The following TMIGD3 variants were observed in gnomAD, a reference collection of about 807,000 sequenced individuals.
The protein encoded by TMIGD3 is transmembrane and immunoglobulin domain containing 3, also known as AD026 protein (AD026).
A neutral mutation model predicts 28.1 loss-of-function variants in TMIGD3; 21 were observed. That is an observed-to-expected ratio of 0.75 (90% CI 0.53 to 1.08). TMIGD3 has a LOEUF of 1.08. Ranked by LOEUF, TMIGD3 falls within the 50% of genes least tolerant of loss-of-function variation. TMIGD3 has a pLI of 0.00. For missense variants in TMIGD3, 416 were observed against 435.6 expected (o/e 0.96, Z 0.40); for synonymous variants, 151 against 162.1 (o/e 0.93, Z 0.52).
At chr1:111,559,381 G>A (rs1053080105) in intron 1 of TMIGD3, among the ~76,000 whole-genome samples, 6 of 152,126 alleles carry the variant, frequency 3.9e-5, no homozygotes, top group African/African-American at 1.4e-4. Flanking sequence ...CGATTCAGCA[G>A]TGACCTAAAA....
upstream of TMIGD3, chr1:111,504,972 A>G (rs899934022): frequency 3.0e-6 from 3 of 985,166 alleles, no homozygotes; most frequent in African/African-American, 5.2e-5. Flanking sequence ...TTCCAATGTC[A>G]GTTCTGCCCA....
rs1654398390 is a variant in TMIGD3 at position 111,486,797 on chromosome 1, A to G, written c.806-145T>C. ...AGAGTAAAGCAGAGGTACCACGCGC[A>G]GTTGTATAAATGTGCCCTGCACAGG... On this transcript the variant is annotated intron_variant, in intron 3 of 5. Coordinates refer to ENST00000369716, the MANE Select transcript of TMIGD3 (RefSeq NM_020683.7). The G allele has an allele frequency of 2.1e-5, 15 of 723,780 alleles. No homozygotes were observed. The South Asian group carries it at 2.4e-4, about 11-fold the overall frequency. 44.8% of individuals were successfully genotyped at this position (723,780 alleles called of 1,614,324 possible).
intron 1 of TMIGD3, among the ~76,000 whole-genome samples, chr1:111,515,683 G>C (rs1328456214): frequency 6.6e-6 from 1 of 152,224 alleles, no homozygotes; most frequent in Non-Finnish European, 1.5e-5. Context: ...CCCTGGCGCC[G>C]GGGACTGTGG....
At chr1:111,557,624 G>A (rs2789528) in intron 1 of TMIGD3, among the ~76,000 whole-genome samples, 3,884 of 151,868 alleles carry the variant, frequency 0.026, 118 homozygotes, top group East Asian at 0.089. Context: ...TTTACTAATA[G>A]ACCCAAATGA....
At chr1:111,502,813 A>T (rs1655308474) in intron 1 of TMIGD3, among the ~76,000 whole-genome samples, 192 bp downstream of exon 1, 1 of 152,022 alleles carries the variant, frequency 6.6e-6, no homozygotes, top group Non-Finnish European at 1.5e-5. Context: ...CATTCCTCTG[A>T]TTCTAGCTCC....
intron 1 of TMIGD3, among the ~76,000 whole-genome samples, chr1:111,531,123 C>T (rs1656444286): frequency 6.6e-6 from 1 of 152,046 alleles, no homozygotes; most frequent in Non-Finnish European, 1.5e-5. Context: ...ACAAAAAATG[C>T]AAAAATTAGC....
chr1:111,559,474 T>C (rs1657644445), intron 1 of TMIGD3, among the ~76,000 whole-genome samples: 1 of 152,154 alleles, frequency 6.6e-6, no homozygotes, highest in Non-Finnish European at 1.5e-5. Context: ...GAGATTTGAG[T>C]TGCAGTCCAA....
At chr1:111,500,120 C>G (rs1655088957) in intron 1 of TMIGD3, 3 of 1,613,928 alleles carry the variant, frequency 1.9e-6, no homozygotes, top group Admixed American at 1.7e-5. Flanking sequence ...ATGTACAGCA[C>G]AAGCTGTGGT....
At chr1:111,520,904 G>A (rs892493698) in intron 1 of TMIGD3, among the ~76,000 whole-genome samples, 7 of 152,296 alleles carry the variant, frequency 4.6e-5, no homozygotes, top group Admixed American at 2.0e-4. Context: ...ACTTATACAA[G>A]TTTTGGCATA....
chr1:111,557,443 G>A (rs975527790), intron 1 of TMIGD3, among the ~76,000 whole-genome samples: 8 of 151,878 alleles, frequency 5.3e-5, no homozygotes, highest in South Asian at 2.1e-4. Context: ...CCAGCTACTC[G>A]GGAGGCTGAA....
At chr1:111,537,239 GTC>G (rs1235176851) in intron 1 of TMIGD3, among the ~76,000 whole-genome samples, 1 of 152,214 alleles carries the variant, frequency 6.6e-6, no homozygotes, top group Non-Finnish European at 1.5e-5. Context: ...GCACAAGACT[GTC>G]CAAATTGCTG....
chr1:111,538,745 G>T (rs1656723548), intron 1 of TMIGD3, among the ~76,000 whole-genome samples: 1 of 152,182 alleles, frequency 6.6e-6, no homozygotes, highest in Non-Finnish European at 1.5e-5. Context: ...GAATAAAAAA[G>T]GGTTCACGGG....
chr1:111,528,543 A>T (rs946837838), intron 1 of TMIGD3, among the ~76,000 whole-genome samples: 1 of 152,210 alleles, frequency 6.6e-6, no homozygotes, highest in African/African-American at 2.4e-5. Context: ...GTTAATATCC[A>T]CAAAATAACT....
intron 3 of TMIGD3, among the ~76,000 whole-genome samples, chr1:111,487,149 C>T (rs991445117): frequency 6.6e-6 from 1 of 152,212 alleles, no homozygotes; most frequent in Non-Finnish European, 1.5e-5. Context: ...ACGATACCCC[C>T]TCTGATAAGA....
In TMIGD3 at chr1:111,509,255, A is replaced by G. The variant is rs570396278; in HGVS notation, c.108-18493T>C. On this transcript the variant is annotated intron_variant, in intron 1 of 5. Transcript: ENST00000369717. ...TTGATCCTTCCCTTGGCACCTGTCA[A>G]CCTCTGACCTATCCTTCCCCTCTTG... Among the ~76,000 whole-genome samples the G allele has an allele frequency of 4.6e-5, 7 of 152,130 alleles. No individual in the cohort carries two copies. In the South Asian group the frequency reaches 6.2e-4, roughly 14 times the overall value.
At chr1:111,549,736 A>G (rs953225014) in intron 1 of TMIGD3, among the ~76,000 whole-genome samples, 3 of 151,968 alleles carry the variant, frequency 2.0e-5, no homozygotes, top group African/African-American at 7.2e-5. Context: ...GAAGCCTCAA[A>G]CTTCTGGACT....
chr1:111,511,749 C>A (rs186024618), intron 1 of TMIGD3, among the ~76,000 whole-genome samples: 1 of 151,708 alleles, frequency 6.6e-6, no homozygotes, highest in African/African-American at 2.4e-5. Context: ...CCACAACTTT[C>A]GCAGTCAGAG....
At chr1:111,500,224 GT>G in intron 1 of TMIGD3, 1 of 1,614,134 alleles carries the variant, frequency 6.2e-7, no homozygotes. Flanking sequence ...GGACTTAGCC[GT>G]CTTGAACTCC....
chr1:111,552,262 T>G (rs1657292921), intron 1 of TMIGD3, among the ~76,000 whole-genome samples: 1 of 152,200 alleles, frequency 6.6e-6, no homozygotes, highest in Non-Finnish European at 1.5e-5. Flanking sequence ...CTCCTTCTTC[T>G]GGTACTGGTG....
Sources: gnomAD v4.1 joint callset for allele counts (sites outside exome capture counted in the v4.1 genomes callset) on GRCh38, gnomAD v4.1.1 for gene constraint, MANE v1.5 for transcripts, NCBI Gene and HGNC (gene_info 2026-07-23, HGNC 2026-07-21) for gene names.